Variants in MAT2B observed in about 807,000 individuals in gnomAD.
The protein encoded by MAT2B is methionine adenosyltransferase 2 non-catalytic beta subunit.
A neutral mutation model predicts 36.1 loss-of-function variants in MAT2B; 16 were observed. That is an observed-to-expected ratio of 0.44 (90% confidence interval 0.30 to 0.67). MAT2B has a LOEUF of 0.67. Among genes scored for constraint, MAT2B ranks in the 30% least tolerant of loss-of-function variants. The pLI is 0.09. For synonymous variants in MAT2B, 148 were observed against 136.9 expected (o/e 1.08, Z -0.57); for missense variants, 332 against 398.2 (o/e 0.83, Z 1.42).
At chr5:163,503,536 G>A (rs1759881373), upstream of MAT2B, 1 of 995,590 alleles carries the variant, frequency 1.0e-6, no homozygotes. Flanking sequence ...AATAGAAACG[G>A]GTGTCATTCA....
chr5:163,511,993 A>G lies in MAT2B; in HGVS notation c.64-9A>G, dbSNP rs1486545895. ...TTAGTAACTCTTTCTATCCGCCTTC[A>G]CCTTTTAGGAGGAAGTTAACATCCC... On this transcript the variant is annotated splice_polypyrimidine_tract_variant and intron_variant, in intron 1 of 6. Transcript: ENST00000321757. The G allele has an allele frequency of 3.1e-6, 5 of 1,603,642 alleles. No homozygotes were observed. The African/African-American group carries it at 4.0e-5, about 13-fold the overall frequency.
intron 4 of MAT2B, among the ~76,000 whole-genome samples, chr5:163,515,965 G>A (rs373513286): frequency 6.6e-6 from 1 of 151,622 alleles, no homozygotes; most frequent in Admixed American, 6.6e-5. Context: ...GAACTCCTGG[G>A]CTCAAGTAGT....
In MAT2B at chr5:163,505,683, G is replaced by A. The variant is rs752592788; in HGVS notation, c.-4G>A. The A allele has an allele frequency of 2.3e-6, 3 of 1,282,942 alleles. No homozygotes were observed. Among genetic ancestry groups the A allele is most frequent in the South Asian group, 3.6e-5 (1 of 27,492 alleles). 79.5% of individuals were successfully genotyped at this position (1,282,942 alleles called of 1,614,324 possible). A position where few individuals can be genotyped will look rare whatever the true frequency, so the allele number is the denominator to read the frequency against. ...GCTGAGGCTGCGGCGTGAAGACGGC[G>A]GGCATGGTGGGGCGGGAGAAAGAGC... On this transcript the variant is annotated 5_prime_UTR_variant, in exon 1 of 7. Transcript: ENST00000321757.
chr5:163,517,818 T>C (rs764813886), intron 6 of MAT2B, 144 bp downstream of exon 6: 31 of 574,252 alleles, frequency 5.4e-5, no homozygotes, highest in Non-Finnish European at 9.9e-5. Context: ...CTCTAAATTA[T>C]CATCTGTAGA....
rs756057515 is a variant in MAT2B at position 163,512,022 on chromosome 5, TAGG to T, written c.88_90del (p.Arg30del). ...TTTAGGAGGAAGTTAACATCCCTAATAGGAGGGTTCTGGTTACTGGTGCCACTG... is the reference window on the plus strand; with the variant it reads ...TTTAGGAGGAAGTTAACATCCCTAATAGGGTTCTGGTTACTGGTGCCACTG... On this transcript the variant is annotated inframe_deletion, in exon 2 of 7. Transcript: ENST00000321757. The T allele has an allele frequency of 5.0e-6, 8 of 1,613,698 alleles. No individual in the cohort carries two copies. In the Admixed American group the frequency reaches 1.3e-4, roughly 27 times the overall value.
intron 4 of MAT2B, 107 bp from the exon 5 acceptor site, chr5:163,516,411 A>T (rs931294113): frequency 4.6e-6 from 4 of 876,282 alleles, no homozygotes; most frequent in Admixed American, 2.6e-5. Flanking sequence ...ATTTTAATTA[A>T]AAGGCAAGGT....
intron 4 of MAT2B, among the ~76,000 whole-genome samples, chr5:163,515,837 T>C (rs1309469241): frequency 1.7e-5 from 2 of 120,082 alleles, no homozygotes; most frequent in African/African-American, 6.7e-5. Context: ...TGCAGTAGGG[T>C]GAACACAGCT....
At chr5:163,505,219 T>TCCGCCC (rs968680213), upstream of MAT2B, among the ~76,000 whole-genome samples, 1 of 151,758 alleles carries the variant, frequency 6.6e-6, no homozygotes, top group African/African-American at 2.4e-5. Context: ...TCTACCCACC[T>TCCGCCC]CCGCCCCCGC....
chr5:163,511,605 A>G (rs1001236313), intron 1 of MAT2B, among the ~76,000 whole-genome samples: 4 of 151,682 alleles, frequency 2.6e-5, no homozygotes, highest in African/African-American at 9.7e-5. Context: ...TAAGTGATAC[A>G]GTTTTTTATA....
intron 1 of MAT2B, among the ~76,000 whole-genome samples, chr5:163,505,988 G>C (rs942906925): frequency 6.6e-6 from 1 of 152,146 alleles, no homozygotes; most frequent in Admixed American, 6.5e-5. Context: ...GCAAGTAGGT[G>C]GAGGTTTTAC....
upstream of MAT2B, among the ~76,000 whole-genome samples, chr5:163,504,350 A>G (rs1161625378): frequency 4.6e-5 from 7 of 151,900 alleles, no homozygotes; most frequent in Admixed American, 4.6e-4. Context: ...AAATCGGAAC[A>G]TAAGAAACCT....
At position 163,519,071 on chromosome 5, in the gene MAT2B, G is replaced by T. The variant is rs1760179870; in HGVS notation, c.*708G>T. On this transcript the variant is annotated 3_prime_UTR_variant, in exon 7 of 7. Coordinates refer to ENST00000321757, the MANE Select transcript of MAT2B (RefSeq NM_013283.5). The stretch of plus-strand genomic sequence containing the variant: ...TGCCGCTAAGTGATATTTCATATGT[G>T]TGGTTATACTCATAATAATGGGCCT... 1 of 152,088 alleles carries T rather than the reference G, an allele frequency of 6.6e-6. No homozygotes were observed. Among genetic ancestry groups the T allele is most frequent in the Non-Finnish European group, 1.5e-5 (1 of 67,986 alleles). 9.4% of individuals were successfully genotyped at this position (152,088 alleles called of 1,614,324 possible). A position where few individuals can be genotyped will look rare whatever the true frequency, so the allele number is the denominator to read the frequency against.
In MAT2B at chr5:163,505,627, C is replaced by T. The variant is rs1199706751; in HGVS notation, c.-60C>T. 3 of 1,251,658 alleles carry T rather than the reference C, an allele frequency of 2.4e-6. No individual in the cohort carries two copies. Among genetic ancestry groups the T allele is most frequent in the East Asian group, 3.1e-5 (1 of 31,850 alleles). 77.5% of individuals were successfully genotyped at this position (1,251,658 alleles called of 1,614,324 possible). On this transcript the variant is annotated 5_prime_UTR_variant, in exon 1 of 7. Coordinates refer to ENST00000321757, the MANE Select transcript of MAT2B (RefSeq NM_013283.5). ...CCGAGGGCGTCTGAGCTGAGGCCCG[C>T]GTCGATCCTGGGTTGGAGGAGGTGG...
chr5:163,511,993 A>T lies in MAT2B; in HGVS notation c.64-9A>T. On this transcript the variant is annotated splice_polypyrimidine_tract_variant and intron_variant, in intron 1 of 6. Coordinates refer to ENST00000321757, the MANE Select transcript of MAT2B (RefSeq NM_013283.5). ...TTAGTAACTCTTTCTATCCGCCTTC[A>T]CCTTTTAGGAGGAAGTTAACATCCC... 1 of 1,603,760 alleles carries T rather than the reference A, an allele frequency of 6.2e-7. No individual in the cohort carries two copies. The highest frequency in any genetic ancestry group is 8.5e-7 in the Non-Finnish European group (1 of 1,172,824).
chr5:163,512,375 T>G, intron 2 of MAT2B, 179 bp downstream of exon 2: 1 of 607,464 alleles, frequency 1.6e-6, no homozygotes, highest in South Asian at 2.0e-5. Flanking sequence ...AGTTAAATTT[T>G]GACACGCTGA....
At chr5:163,507,236 T>C (rs1236170712) in intron 1 of MAT2B, among the ~76,000 whole-genome samples, 1 of 152,204 alleles carries the variant, frequency 6.6e-6, no homozygotes, top group Non-Finnish European at 1.5e-5. Context: ...TAGAACATTT[T>C]TAGTAGACAT....
intron 1 of MAT2B, among the ~76,000 whole-genome samples, chr5:163,507,889 C>T (rs574793663): frequency 1.3e-5 from 2 of 152,274 alleles, no homozygotes; most frequent in South Asian, 4.1e-4. Flanking sequence ...TATTCGGACT[C>T]CTCGTGGTAG....
At chr5:163,503,602 C>A (rs535946797), upstream of MAT2B, among the ~76,000 whole-genome samples, 2 of 152,174 alleles carry the variant, frequency 1.3e-5, no homozygotes, top group Non-Finnish European at 2.9e-5. Flanking sequence ...TAGTTACTGA[C>A]CCGGAGAACC....
intron 1 of MAT2B, among the ~76,000 whole-genome samples, chr5:163,508,717 G>C (rs903027020): frequency 1.3e-5 from 2 of 148,148 alleles, no homozygotes; most frequent in Non-Finnish European, 3.0e-5. Context: ...TCCTGGGTTC[G>C]AGCGATTCTC....
Sources: allele counts gnomAD v4.1 joint callset (sites outside exome capture counted in the v4.1 genomes callset), GRCh38; gene constraint gnomAD v4.1.1; transcripts MANE v1.5; gene names NCBI Gene and HGNC (gene_info 2026-07-23, HGNC 2026-07-21).